TBCK: variants seen among roughly 807,000 people sequenced by gnomAD.
TBCK encodes TBC1 domain containing kinase, also known as TBC domain-containing protein kinase-like protein.
A neutral mutation model predicts 113.4 loss-of-function variants in TBCK; 99 were observed. That is an observed-to-expected ratio of 0.87 (90% CI 0.74 to 1.03). The LOEUF is 1.03. Among genes scored for constraint, TBCK ranks in the 50% least tolerant of loss-of-function variants. The pLI, the probability that TBCK is intolerant of heterozygous loss-of-function variation, is 0.00. For missense variants in TBCK, 1,045 were observed against 1,061.3 expected (o/e 0.98, Z 0.21); for synonymous variants, 369 against 370.8 (o/e 1.00, Z 0.05).
At chr4:106,159,333 A>C (rs1749486673) in intron 23 of TBCK, among the ~76,000 whole-genome samples, 1 of 152,136 alleles carries the variant, frequency 6.6e-6, no homozygotes, top group Non-Finnish European at 1.5e-5. Context: ...CTGAAAAGTA[A>C]GAAGTAAATA....
At chr4:106,309,243 GAC>G (rs1453935212) in intron 1 of TBCK, among the ~76,000 whole-genome samples, 1 of 149,198 alleles carries the variant, frequency 6.7e-6, no homozygotes, top group East Asian at 2.0e-4. Flanking sequence ...AATGACATTT[GAC>G]AGTTTAAAGA....
intron 3 of TBCK, among the ~76,000 whole-genome samples, chr4:106,283,330 A>G (rs1038125301): frequency 3.3e-5 from 5 of 152,162 alleles, no homozygotes; most frequent in Non-Finnish European, 7.4e-5. Context: ...CCTTAATTCT[A>G]TAACTGTAGA....
At chr4:106,048,593 T>G (rs1734465771) in intron 25 of TBCK, among the ~76,000 whole-genome samples, 1 of 152,134 alleles carries the variant, frequency 6.6e-6, no homozygotes, top group Admixed American at 6.6e-5. Flanking sequence ...ACCATATGAT[T>G]ATTGAAACAT....
At chr4:106,316,347 G>GC (rs1768868522), upstream of TBCK, 2 of 588,102 alleles carry the variant, frequency 3.4e-6, no homozygotes, top group Non-Finnish European at 6.2e-6. Context: ...AGAAAGAGGT[G>GC]CGGGGGGACG....
At chr4:106,093,367 C>T (rs367642396) in intron 25 of TBCK, among the ~76,000 whole-genome samples, 47 of 152,134 alleles carry the variant, frequency 3.1e-4, no homozygotes, top group African/African-American at 9.2e-4. Context: ...ATTAGCTGGG[C>T]GTGGTGGTGG....
intron 5 of TBCK, among the ~76,000 whole-genome samples, chr4:106,258,957 T>C (rs1027873404): frequency 2.6e-5 from 4 of 151,934 alleles, no homozygotes; most frequent in African/African-American, 9.6e-5. Flanking sequence ...TTTTTGCCTG[T>C]AAGTTTTCAA....
chr4:106,249,228 C>T (rs1761169955), intron 7 of TBCK, among the ~76,000 whole-genome samples: 1 of 152,068 alleles, frequency 6.6e-6, no homozygotes, highest in South Asian at 2.1e-4. Flanking sequence ...AGGAGCAATT[C>T]CTTTACAAGG....
chr4:106,163,078 TC>T, intron 23 of TBCK, among the ~76,000 whole-genome samples: 1 of 152,214 alleles, frequency 6.6e-6, no homozygotes, highest in East Asian at 1.9e-4. Context: ...ATACCCTAAA[TC>T]ATCTCTCTCA....
intron 24 of TBCK, among the ~76,000 whole-genome samples, chr4:106,101,081 T>C (rs776962535): frequency 9.9e-5 from 15 of 152,204 alleles, no homozygotes; most frequent in Non-Finnish European, 1.5e-4. Context: ...GTATCTATTT[T>C]AGTTATAAGA....
At chr4:106,239,357 C>T (rs996460358) in intron 12 of TBCK, among the ~76,000 whole-genome samples, 1 of 152,010 alleles carries the variant, frequency 6.6e-6, no homozygotes, top group African/African-American at 2.4e-5. Flanking sequence ...AAATACTTCT[C>T]CCCTATACTT....
intron 19 of TBCK, among the ~76,000 whole-genome samples, chr4:106,223,503 G>T (rs941806891): frequency 4.6e-5 from 7 of 152,190 alleles, no homozygotes; most frequent in Admixed American, 3.9e-4. Flanking sequence ...TCCCAATTTA[G>T]TTGTACAGTC....
At chr4:106,119,107 C>T (rs749539408) in intron 23 of TBCK, among the ~76,000 whole-genome samples, 7 of 151,794 alleles carry the variant, frequency 4.6e-5, no homozygotes, top group Non-Finnish European at 7.4e-5. Flanking sequence ...TTAAAATTTC[C>T]ACTTAGAGGC....
rs887896339 is a variant in TBCK at position 106,041,851 on chromosome 4, G to A, written c.*4719C>T. Reference sequence around the variant, plus strand: ...TTCATGTTACAAGCACCTATCATAAGGCATTAACAGGAAAATTACTCAGAA... The same window carrying A: ...TTCATGTTACAAGCACCTATCATAAAGCATTAACAGGAAAATTACTCAGAA... On this transcript the variant is annotated 3_prime_UTR_variant, in exon 26 of 26. Transcript: ENST00000394708. The A allele has an allele frequency of 3.9e-5, 6 of 152,168 alleles. No homozygotes were observed. The highest frequency in any genetic ancestry group is 1.4e-4 in the African/African-American group (6 of 41,428). 9.4% of individuals were successfully genotyped at this position (152,168 alleles called of 1,614,324 possible). A position where few individuals can be genotyped will look rare whatever the true frequency, so the allele number is the denominator to read the frequency against.
At chr4:106,194,577 T>C in intron 21 of TBCK, 141 bp downstream of exon 21, 1 of 581,962 alleles carries the variant, frequency 1.7e-6, no homozygotes. Flanking sequence ...AATTCTTTTC[T>C]ACCTAACTCT....
chr4:106,132,114 C>A (rs1746015805), intron 23 of TBCK, among the ~76,000 whole-genome samples: 1 of 152,184 alleles, frequency 6.6e-6, no homozygotes, highest in African/African-American at 2.4e-5. Context: ...AAGCCAGCTG[C>A]AGAAATTTGC....
At chr4:106,126,956 C>T (rs1005426290) in intron 23 of TBCK, among the ~76,000 whole-genome samples, 3 of 152,000 alleles carry the variant, frequency 2.0e-5, no homozygotes, top group African/African-American at 4.8e-5. Context: ...TGCCTGTATT[C>T]CCCAGCTCTT....
At chr4:106,115,855 G>C (rs915912404) in intron 24 of TBCK, among the ~76,000 whole-genome samples, 8 of 152,130 alleles carry the variant, frequency 5.3e-5, no homozygotes. Context: ...TAGGCTATGA[G>C]GTAAAACAGG....
intron 12 of TBCK, 41 bp downstream of exon 12, chr4:106,242,429 G>GA: frequency 1.4e-6 from 2 of 1,480,928 alleles, no homozygotes; most frequent in South Asian, 2.5e-5. Context: ...TTTAATTAAA[G>GA]AAAAAAACCT....
chr4:106,108,185 G>A (rs929429268), intron 24 of TBCK, among the ~76,000 whole-genome samples: 2 of 152,122 alleles, frequency 1.3e-5, no homozygotes, highest in African/African-American at 4.8e-5. Context: ...GTACAAGGAA[G>A]AGCTGGTACC....
Sources: gnomAD v4.1 joint callset for allele counts (sites outside exome capture counted in the v4.1 genomes callset) on GRCh38, gnomAD v4.1.1 for gene constraint, MANE v1.5 for transcripts, NCBI Gene and HGNC (gene_info 2026-07-23, HGNC 2026-07-21) for gene names.